TFAP2D: variants seen among roughly 807,000 people sequenced by gnomAD.
TFAP2D encodes transcription factor AP-2-delta.
Under a neutral mutation model 43.6 loss-of-function variants are expected in TFAP2D, and 9 were observed. The ratio of observed to expected loss-of-function variants is 0.21; its 90% CI spans 0.12 to 0.36. The LOEUF (loss-of-function observed/expected upper bound fraction) is 0.36, where lower values mean the gene tolerates loss of function less well. Among genes scored for constraint, TFAP2D ranks in the 10% least tolerant of loss-of-function variants. The pLI is 1.00. For synonymous variants in TFAP2D, 256 were observed against 224.9 expected (o/e 1.14, Z -1.24); for missense variants, 513 against 561.4 (o/e 0.91, Z 0.87).
At chr6:50,740,809 G>A (rs1212086623) in intron 5 of TFAP2D, among the ~76,000 whole-genome samples, 1 of 152,160 alleles carries the variant, frequency 6.6e-6, no homozygotes, top group African/African-American at 2.4e-5. Context: ...TTGTTAAAAT[G>A]CATTTAAACC....
At position 50,729,257 on chromosome 6, in the gene TFAP2D, A is replaced by G; in HGVS notation, c.828A>G (p.Leu276=). ...REKLDRLGLN[L]PAGRRKAANV... The stretch of plus-strand genomic sequence containing the variant: ...AATTGGATAGGCTTGGCTTAAACTT[A>G]CCAGCAGGAAGACGGAAAGCAGCTA... The change falls in exon 5 of 8, where the codon TTA becomes TTG. Residue 276 remains leucine, a synonymous_variant. Coordinates refer to ENST00000008391, the MANE Select transcript of TFAP2D (RefSeq NM_172238.4). 1 of 1,614,010 alleles carries G rather than the reference A, an allele frequency of 6.2e-7. No individual in the cohort carries two copies.
In TFAP2D at chr6:50,713,908, G is replaced by T. The variant is rs369988646; in HGVS notation, c.-148G>T. The T allele has an allele frequency of 3.2e-6, 4 of 1,262,108 alleles. No homozygotes were observed. Among genetic ancestry groups the T allele is most frequent in the Non-Finnish European group, 3.4e-6 (3 of 887,806 alleles). The allele number at this position is 1,262,108 out of a possible 1,614,324, so 78.2% of individuals were successfully genotyped here. On this transcript the variant is annotated 5_prime_UTR_variant, in exon 1 of 8. Coordinates refer to ENST00000008391, the MANE Select transcript of TFAP2D (RefSeq NM_172238.4). Reference sequence around the variant, plus strand: ...TACGAGGCAAGGAGCTATCTGATCCGGGCAAAACCATTACAATTTAGATAT... The same window carrying T: ...TACGAGGCAAGGAGCTATCTGATCCTGGCAAAACCATTACAATTTAGATAT...
Position 50,729,187 on chromosome 6 carries a change from TG to T in TFAP2D, c.765-6del. 2 of 1,613,502 alleles carry T rather than the reference TG, an allele frequency of 1.2e-6. No homozygotes were observed. The highest frequency in any genetic ancestry group is 1.7e-6 in the Non-Finnish European group (2 of 1,179,724). On this transcript the variant is annotated splice_polypyrimidine_tract_variant and splice_region_variant and intron_variant, in intron 4 of 7. Coordinates refer to ENST00000008391, the MANE Select transcript of TFAP2D (RefSeq NM_172238.4). Reference sequence around the variant, plus strand: ...TCAAAACCTAGTTTTTGTTTGTTTTTGTACAGAGCAAAATCAAAGAATGGGG... The same window carrying T: ...TCAAAACCTAGTTTTTGTTTGTTTTTTACAGAGCAAAATCAAAGAATGGGG...
intron 2 of TFAP2D, chr6:50,718,248 G>A (rs1012263965): frequency 1.3e-5 from 2 of 152,074 alleles, no homozygotes; most frequent in Admixed American, 6.6e-5. Flanking sequence ...ATGGGGAGGC[G>A]AAAGGGAGCC....
rs1393802094 is a variant in TFAP2D at position 50,715,279 on chromosome 6, C to A, written c.203C>A (p.Pro68Gln). 2 of 1,613,858 alleles carry A rather than the reference C, an allele frequency of 1.2e-6. No homozygotes were observed. Among genetic ancestry groups the A allele is most frequent in the Non-Finnish European group, 1.7e-6 (2 of 1,179,954 alleles). Residue 68 changes from proline (P) to glutamine (Q), a missense_variant, in exon 2 of 8, where the codon CCG (proline) becomes CAG (glutamine). Transcript: ENST00000008391. Reference protein sequence around the residue: ...PYFSTNHQYTPLHHQSFHYEF... With the variant: ...PYFSTNHQYTQLHHQSFHYEF... Reference sequence around the variant, plus strand: ...TTCTCCACTAACCACCAGTACACCCCGCTCCACCACCAGTCCTTCCATTAC... The same window carrying A: ...TTCTCCACTAACCACCAGTACACCCAGCTCCACCACCAGTCCTTCCATTAC...
rs116662805 is a variant in TFAP2D at position 50,770,192 on chromosome 6, G to A, written c.1140-2453G>A. Among the ~76,000 whole-genome samples the A allele has an allele frequency of 5.3e-3, 806 of 152,264 alleles. 3 individuals are homozygous for A. The highest frequency in any genetic ancestry group is 0.019 in the African/African-American group (784 of 41,548). On this transcript the variant is annotated intron_variant, in intron 7 of 7. Coordinates refer to ENST00000008391, the MANE Select transcript of TFAP2D (RefSeq NM_172238.4). ...CACCACTCCAACAATTCCATTTGTTGTCCAAGATCCCAGATAGATTTCAAA... is the reference window on the plus strand; with the variant it reads ...CACCACTCCAACAATTCCATTTGTTATCCAAGATCCCAGATAGATTTCAAA...
chr6:50,750,664 A>C (rs1769187888), intron 6 of TFAP2D, among the ~76,000 whole-genome samples: 1 of 151,986 alleles, frequency 6.6e-6, no homozygotes, highest in East Asian at 1.9e-4. Context: ...ATGGAACATA[A>C]TATAACCATT....
At chr6:50,741,767 GAA>G (rs112907842) in intron 5 of TFAP2D, among the ~76,000 whole-genome samples, 3 of 132,688 alleles carry the variant, frequency 2.3e-5, no homozygotes, top group South Asian at 2.4e-4. Context: ...AAGTAGCTCT[GAA>G]AAAAAAAAAA....
chr6:50,752,433 C>T (rs1769213324), intron 7 of TFAP2D, among the ~76,000 whole-genome samples: 1 of 151,714 alleles, frequency 6.6e-6, no homozygotes, highest in Non-Finnish European at 1.5e-5. Context: ...AAGTTATTAT[C>T]ATTTAGTTAA....
At chr6:50,759,382 C>G (rs1358240258) in intron 7 of TFAP2D, among the ~76,000 whole-genome samples, 1 of 152,002 alleles carries the variant, frequency 6.6e-6, no homozygotes, top group Non-Finnish European at 1.5e-5. Flanking sequence ...TGCAGTTAAG[C>G]TGGGTGATCT....
chr6:50,752,934 GC>G (rs1769217925), intron 7 of TFAP2D, among the ~76,000 whole-genome samples: 1 of 151,736 alleles, frequency 6.6e-6, no homozygotes, highest in Non-Finnish European at 1.5e-5. Flanking sequence ...TGGGATAAGA[GC>G]CCCTTCATTA....
At chr6:50,734,524 C>A (rs964158783) in intron 5 of TFAP2D, among the ~76,000 whole-genome samples, 5 of 152,004 alleles carry the variant, frequency 3.3e-5, no homozygotes, top group Non-Finnish European at 7.4e-5. Context: ...TTCGCAGACC[C>A]AGGGACCCAG....
chr6:50,730,991 C>T (rs574004807), intron 5 of TFAP2D, among the ~76,000 whole-genome samples: 8 of 152,172 alleles, frequency 5.3e-5, no homozygotes, highest in South Asian at 2.1e-4. Context: ...TCAGTACTAA[C>T]GGAAGACCCA....
chr6:50,757,667 A>T (rs1350919554), intron 7 of TFAP2D, among the ~76,000 whole-genome samples: 2 of 75,956 alleles, frequency 2.6e-5, no homozygotes, highest in Non-Finnish European at 4.5e-5. Flanking sequence ...AATATATATA[A>T]TTATTCTATA....
At chr6:50,758,212 T>G (rs1233619580) in intron 7 of TFAP2D, among the ~76,000 whole-genome samples, 1 of 151,922 alleles carries the variant, frequency 6.6e-6, no homozygotes, top group African/African-American at 2.4e-5. Context: ...CCCAGACATT[T>G]GTGTGCTTGC....
chr6:50,721,325 T>A (rs1768720236), intron 3 of TFAP2D, among the ~76,000 whole-genome samples: 1 of 152,192 alleles, frequency 6.6e-6, no homozygotes, highest in Non-Finnish European at 1.5e-5. Context: ...GAATTCAGAT[T>A]TTAGCTGCTG....
Position 50,720,048 on chromosome 6 carries a change from C to T in TFAP2D, c.598+898C>T, listed in dbSNP as rs570882635. ...TTTATTTTTCTAGCAAGCTGAGTAA[C>T]CCGAGCAGCACACAAGGCAAGAGGG... On this transcript the variant is annotated intron_variant, in intron 3 of 7. Coordinates refer to ENST00000008391, the MANE Select transcript of TFAP2D (RefSeq NM_172238.4). Among the ~76,000 whole-genome samples, 2 of 152,296 alleles carry T rather than the reference C, an allele frequency of 1.3e-5. 1 individual carries two copies. Among genetic ancestry groups the T allele is most frequent in the South Asian group, 4.1e-4 (2 of 4,828 alleles).
rs373771115 is a variant in TFAP2D at position 50,715,630 on chromosome 6, C to A, written c.537+17C>A. Reference sequence around the variant, plus strand: ...GACTTGCAGGTAAATAAGCATGCAGCGAATTTGTCTGCTCCCTCCCCTCTT... The same window carrying A: ...GACTTGCAGGTAAATAAGCATGCAGAGAATTTGTCTGCTCCCTCCCCTCTT... On this transcript the variant is annotated intron_variant, in intron 2 of 7. Transcript: ENST00000008391. 7.6e-6 allele frequency: 12 copies of A among 1,576,074 alleles called. No homozygotes were observed. The highest frequency in any genetic ancestry group is 4.1e-5 in the African/African-American group (3 of 74,056).
intron 3 of TFAP2D, among the ~76,000 whole-genome samples, chr6:50,724,443 T>C (rs886087652): frequency 6.6e-6 from 1 of 152,332 alleles, no homozygotes; most frequent in African/African-American, 2.4e-5. Flanking sequence ...ACACCGACGC[T>C]ACGACGAGTG....
Sources: gnomAD v4.1 joint callset for allele counts (sites outside exome capture counted in the v4.1 genomes callset) on GRCh38, gnomAD v4.1.1 for gene constraint, MANE v1.5 for transcripts, NCBI Gene and HGNC (gene_info 2026-07-23, HGNC 2026-07-21) for gene names.